Variants in CCDC88A observed in about 807,000 individuals in gnomAD.
CCDC88A encodes the protein coiled-coil and HOOK domain protein 88A, also known as girdin.
A neutral mutation model predicts 234.3 loss-of-function variants in CCDC88A; 54 were observed. The ratio of observed to expected loss-of-function variants is 0.23; its 90% CI spans 0.19 to 0.29. The LOEUF (loss-of-function observed/expected upper bound fraction) is 0.29. CCDC88A is among the 10% of genes least tolerant of loss of function. The pLI is 1.00. For missense variants in CCDC88A, 1,832 were observed against 2,123.4 expected, an observed-to-expected ratio of 0.86 and a Z score of 2.70; for synonymous variants, 753 against 737.8, an observed-to-expected ratio of 1.02 and a Z score of -0.33.
intron 8 of CCDC88A, among the ~76,000 whole-genome samples, chr2:55,351,169 G>C (rs533454484): frequency 2.0e-4 from 30 of 151,964 alleles, no homozygotes; most frequent in Non-Finnish European, 3.5e-4. Context: ...TGAACTCTTA[G>C]GCCCAAGAAT....
At chr2:55,389,981 C>T (rs903357480) in intron 2 of CCDC88A, among the ~76,000 whole-genome samples, 5 of 143,600 alleles carry the variant, frequency 3.5e-5, no homozygotes, top group Non-Finnish European at 7.5e-5. Context: ...GCAGAGGTTG[C>T]AGTGAGCCAG....
Position 55,316,085 on chromosome 2 carries a change from T to C in CCDC88A, c.3776A>G (p.Lys1259Arg), listed in dbSNP as rs887522743. Residue 1259 changes from lysine (K) to arginine (R), a missense_variant, in exon 22 of 33, where the codon AAA becomes AGA. Around this residue, in one of 6 missense-constraint regions of CCDC88A, gnomAD observed 1,282 missense variants for 1,543.6 expected, o/e 0.83. Transcript: ENST00000436346. ...GTCAGTTTGTAAAACTTCAGTCTCT[T>C]TTAAAAGTTGACTATAGGTATGATT... ...RLNHTYSQLL[K>R]ETEVLQTDHK... is the part of the protein sequence containing the mutation. 1 of 1,537,204 alleles carries C rather than the reference T, an allele frequency of 6.5e-7. No individual in the cohort carries two copies. Among genetic ancestry groups the C allele is most frequent in the East Asian group, 2.3e-5 (1 of 43,558 alleles).
intron 2 of CCDC88A, among the ~76,000 whole-genome samples, chr2:55,396,680 C>G (rs1187970436): frequency 2.0e-5 from 3 of 152,096 alleles, no homozygotes; most frequent in East Asian, 1.9e-4. Flanking sequence ...ACCATCCTGG[C>G]TAACAAGGTG....
At chr2:55,403,296 C>G (rs1036364183) in intron 2 of CCDC88A, 2 of 152,162 alleles carry the variant, frequency 1.3e-5, no homozygotes, top group African/African-American at 2.4e-5. Flanking sequence ...ACCATGAGTA[C>G]TTTTTCTTGA....
In CCDC88A at chr2:55,328,249, A is replaced by G. The variant is rs773991189; in HGVS notation, c.2997+45T>C. ...TTTATATTTTTCTGTCCAAATATTTATATAATAAATGATCCTTAAAATTCT... is the reference window on the plus strand; with the variant it reads ...TTTATATTTTTCTGTCCAAATATTTGTATAATAAATGATCCTTAAAATTCT... On this transcript the variant is annotated intron_variant, in intron 17 of 32. Transcript: ENST00000436346. The surrounding 1 kb of genome is among the most constrained non-coding windows in gnomAD (Gnocchi z 4.3). 1.5e-6 allele frequency: 2 copies of G among 1,345,436 alleles called. No individual in the cohort carries two copies. The highest frequency in any genetic ancestry group is 2.0e-6 in the Non-Finnish European group (2 of 983,380). 83.3% of individuals were successfully genotyped at this position (1,345,436 alleles called of 1,614,324 possible). A position where few individuals can be genotyped will look rare whatever the true frequency, so the allele number is the denominator to read the frequency against.
chr2:55,392,877 T>C (rs1395702628), intron 2 of CCDC88A, among the ~76,000 whole-genome samples: 1 of 152,188 alleles, frequency 6.6e-6, no homozygotes, highest in Non-Finnish European at 1.5e-5. Flanking sequence ...CATTTGTCTA[T>C]TTCTGTGTCA....
chr2:55,368,746 T>C (rs1041129434), intron 5 of CCDC88A, among the ~76,000 whole-genome samples: 7 of 152,312 alleles, frequency 4.6e-5, no homozygotes, highest in East Asian at 3.9e-4. Flanking sequence ...ACAGATAAAA[T>C]TGATTGACCT....
At chr2:55,416,559 C>T (rs1350730577) in intron 2 of CCDC88A, among the ~76,000 whole-genome samples, 2 of 143,624 alleles carry the variant, frequency 1.4e-5, no homozygotes, top group East Asian at 2.0e-4. Context: ...CCCACAGATC[C>T]AAGACACTCA....
At chr2:55,382,678 T>C (rs1674792165) in intron 3 of CCDC88A, among the ~76,000 whole-genome samples, 1 of 152,200 alleles carries the variant, frequency 6.6e-6, no homozygotes, top group Non-Finnish European at 1.5e-5. Context: ...TTGAAAACTT[T>C]TGAATACTCA....
At chr2:55,343,867 CACA>C in intron 11 of CCDC88A, 75 bp from the exon 12 acceptor site, 11 of 1,216,666 alleles carry the variant, frequency 9.0e-6, no homozygotes, top group Non-Finnish European at 1.2e-5. Context: ...CTTTATTTCT[CACA>C]ACTTTTATTT....
chr2:55,369,211 T>G (rs1017142119), intron 5 of CCDC88A, among the ~76,000 whole-genome samples: 1 of 152,034 alleles, frequency 6.6e-6, no homozygotes, highest in African/African-American at 2.4e-5. Context: ...ATTTTTGTAT[T>G]TTTAGTAGAG....
chr2:55,354,577 T>G (rs1409010645), intron 8 of CCDC88A, among the ~76,000 whole-genome samples: 1 of 151,844 alleles, frequency 6.6e-6, no homozygotes, highest in East Asian at 1.9e-4. Context: ...TTTCTTTCTT[T>G]TTTTGAGACA....
At chr2:55,355,826 T>C (rs1407965884) in intron 7 of CCDC88A, 75 bp from the exon 8 acceptor site, 2 of 1,163,620 alleles carry the variant, frequency 1.7e-6, no homozygotes, top group Non-Finnish European at 1.2e-6. Context: ...ATCCACTAGG[T>C]CTAAGAATTG....
At position 55,419,318 on chromosome 2, in the gene CCDC88A, G is replaced by A. The variant is rs894274979; in HGVS notation, c.-239C>T. ...ACGAGCAGCAGCCTGCGCTGGAAAT[G>A]TCTGTACCGGGCGAGGAGGGGCAGA... On this transcript the variant is annotated 5_prime_UTR_variant, in exon 1 of 33. Transcript: ENST00000436346. The A allele has an allele frequency of 1.1e-4, 54 of 498,466 alleles. No individual in the cohort carries two copies. Among genetic ancestry groups the A allele is most frequent in the South Asian group, 4.6e-5 (2 of 43,360 alleles). 30.9% of individuals were successfully genotyped at this position (498,466 alleles called of 1,614,324 possible).
chr2:55,297,284 A>G (rs375399381), intron 29 of CCDC88A: 3 of 97,816 alleles, frequency 3.1e-5, no homozygotes, highest in African/African-American at 1.2e-4. Context: ...TATTATATAT[A>G]ATATATATAA....
chr2:55,394,189 T>G (rs1327221758), intron 2 of CCDC88A: 2 of 152,236 alleles, frequency 1.3e-5, no homozygotes, highest in African/African-American at 4.8e-5. Flanking sequence ...TTTGGTTTTT[T>G]GTCCTTGCGA....
At chr2:55,362,061 A>G in intron 7 of CCDC88A, 2 of 302,138 alleles carry the variant, frequency 6.6e-6, no homozygotes, top group Non-Finnish European at 1.2e-5. Context: ...CTTGAAAAAC[A>G]CACAGGAAGA....
rs1681705134 is a variant in CCDC88A at position 55,307,231 on chromosome 2, T to TACTAGTAATACTTTG, written c.4387+1577_4387+1578insCAAAGTATTACTAGT. On this transcript the variant is annotated intron_variant, in intron 25 of 32. Transcript: ENST00000436346. ...TCCAAAGCTTTTACTTTGGTTTTAC[T>TACTAGTAATACTTTG]GTTTAAGCATACTAGTAATGAAATT... 1.1e-4 allele frequency among the ~76,000 whole-genome samples: 17 copies of TACTAGTAATACTTTG among 152,360 alleles called. No homozygotes were observed. In the South Asian group the frequency reaches 2.3e-3, roughly 20 times the overall value.
chr2:55,371,923 G>A (rs952021110), intron 5 of CCDC88A, among the ~76,000 whole-genome samples: 1 of 152,188 alleles, frequency 6.6e-6, no homozygotes, highest in Non-Finnish European at 1.5e-5. Context: ...GATAATATCT[G>A]ACACAAAGTA....
Sources: gnomAD v4.1 joint callset for allele counts (sites outside exome capture counted in the v4.1 genomes callset) on GRCh38, gnomAD v4.1.1 for gene constraint, gnomAD v4.1.1 regional missense constraint, Gnocchi (gnomAD v3.1) non-coding constraint, MANE v1.5 for transcripts, NCBI Gene and HGNC (gene_info 2026-07-23, HGNC 2026-07-21) for gene names.